The following TLK2 variants were observed in gnomAD, a reference collection of about 807,000 sequenced individuals.
The protein encoded by TLK2 is tousled like kinase 2.
TLK2 carries 6 observed loss-of-function variants against 117.3 expected under a neutral mutation model. That is an observed-to-expected ratio of 0.05 (90% CI 0.03 to 0.10). The LOEUF (loss-of-function observed/expected upper bound fraction) is 0.10. Among genes scored for constraint, TLK2 ranks in the 10% least tolerant of loss-of-function variants. The pLI, the probability that TLK2 is intolerant of heterozygous loss-of-function variation, is 1.00. For synonymous variants in TLK2, 257 were observed against 316.7 expected (o/e 0.81, Z 2.00); for missense variants, 299 against 901.2 (o/e 0.33, Z 8.56).
intron 15 of TLK2, among the ~76,000 whole-genome samples, chr17:62,584,504 A>T (rs1455721541): frequency 1.3e-5 from 2 of 152,128 alleles, no homozygotes; most frequent in Non-Finnish European, 2.9e-5. Context: ...AAGATTCTTT[A>T]AGAAAAGAAG....
intron 2 of TLK2, among the ~76,000 whole-genome samples, chr17:62,489,170 T>TGTAC (rs960160832): frequency 1.1e-5 from 1 of 87,492 alleles, no homozygotes; most frequent in Non-Finnish European, 2.6e-5. Flanking sequence ...TGTATTTAAT[T>TGTAC]GTACGTGTGT....
intron 16 of TLK2, among the ~76,000 whole-genome samples, chr17:62,595,610 T>C (rs2147090360): frequency 1.3e-5 from 2 of 152,048 alleles, no homozygotes; most frequent in Admixed American, 1.3e-4. Flanking sequence ...GTTATACTCT[T>C]ATGGGACCCC....
intron 19 of TLK2, among the ~76,000 whole-genome samples, chr17:62,603,062 A>G (rs1175735126): frequency 1.3e-5 from 2 of 152,196 alleles, no homozygotes; most frequent in African/African-American, 4.8e-5. Context: ...TATAGCACCA[A>G]CGGAGGGGCA....
intron 10 of TLK2, among the ~76,000 whole-genome samples, chr17:62,562,639 A>T (rs768779729): frequency 6.6e-6 from 1 of 152,234 alleles, no homozygotes; most frequent in African/African-American, 2.4e-5. Flanking sequence ...ATGACTAGAA[A>T]TAAAAAAAAC....
chr17:62,517,760 C>T (rs1182680089), intron 2 of TLK2, among the ~76,000 whole-genome samples: 1 of 152,034 alleles, frequency 6.6e-6, no homozygotes, highest in Admixed American at 6.6e-5. Flanking sequence ...TACAGTGATA[C>T]AATCTCAGCT....
chr17:62,515,107 A>G (rs569238946), intron 2 of TLK2, among the ~76,000 whole-genome samples: 178 of 152,304 alleles, frequency 1.2e-3, no homozygotes, highest in African/African-American at 4.1e-3. Flanking sequence ...TGCCTCATCT[A>G]TCACAAAGTA....
intron 4 of TLK2, 82 bp downstream of exon 4, chr17:62,522,355 T>C: frequency 2.1e-6 from 3 of 1,429,154 alleles, no homozygotes; most frequent in Non-Finnish European, 2.9e-6. Flanking sequence ...AAATAATTAG[T>C]TTGTACACAG....
intron 2 of TLK2, among the ~76,000 whole-genome samples, chr17:62,512,024 A>G (rs543107119): frequency 2.2e-4 from 34 of 152,308 alleles, no homozygotes; most frequent in Admixed American, 1.8e-3. Context: ...CATTCTCACT[A>G]GCAATATATG....
At chr17:62,495,615 T>A (rs1210897897) in intron 2 of TLK2, among the ~76,000 whole-genome samples, 1 of 147,914 alleles carries the variant, frequency 6.8e-6, no homozygotes, top group African/African-American at 2.5e-5. Context: ...TTGATTAGTT[T>A]TCTTGAAGTC....
At chr17:62,560,651 A>G (rs1306493189) in intron 10 of TLK2, among the ~76,000 whole-genome samples, 1 of 151,510 alleles carries the variant, frequency 6.6e-6, no homozygotes, top group Non-Finnish European at 1.5e-5. Flanking sequence ...AGGTATTAGT[A>G]ACTATTAGAA....
At chr17:62,565,411 T>C (rs747563292) in intron 11 of TLK2, among the ~76,000 whole-genome samples, 4 of 151,934 alleles carry the variant, frequency 2.6e-5, no homozygotes, top group Non-Finnish European at 4.4e-5. Flanking sequence ...TCCCAGCACT[T>C]TGGGAGGCCG....
intron 10 of TLK2, among the ~76,000 whole-genome samples, chr17:62,562,125 C>T (rs2079331080): frequency 6.6e-6 from 1 of 151,962 alleles, no homozygotes; most frequent in African/African-American, 2.4e-5. Flanking sequence ...TTTGGGAGGC[C>T]AATGAGGGTG....
chr17:62,560,740 G>A (rs2465416), intron 10 of TLK2, among the ~76,000 whole-genome samples: 9,819 of 149,024 alleles, frequency 0.066, 1,070 homozygotes, highest in African/African-American at 0.23. Context: ...TGTAGCCTTC[G>A]CCTCCCAGAT....
chr17:62,495,674 T>TA lies in TLK2; in HGVS notation c.81+14468_81+14469insA, dbSNP rs397699566. ...AAAATTATATATATATATATATATA[T>TA]TGGAGACGGAGTCTTACTCTGTCAC... On this transcript the variant is annotated intron_variant, in intron 2 of 21. Transcript: ENST00000346027. Among the ~76,000 whole-genome samples the TA allele has an allele frequency of 7.0e-4, 103 of 147,980 alleles. No homozygotes were observed. The East Asian group carries it at 0.013, about 19-fold the overall frequency.
At chr17:62,610,522 G>C (rs961576328) in intron 21 of TLK2, among the ~76,000 whole-genome samples, 1 of 152,240 alleles carries the variant, frequency 6.6e-6, no homozygotes, top group East Asian at 1.9e-4. Context: ...GGATGAGGAG[G>C]TGGAAACCTC....
intron 6 of TLK2, among the ~76,000 whole-genome samples, chr17:62,526,780 A>T (rs929043129): frequency 6.6e-6 from 1 of 152,196 alleles, no homozygotes; most frequent in Non-Finnish European, 1.5e-5. Context: ...TTTTTCCTTT[A>T]AAATATATTA....
chr17:62,580,066 T>C (rs748938882), intron 14 of TLK2, 45 bp from the exon 15 acceptor site: 1 of 1,535,058 alleles, frequency 6.5e-7, no homozygotes, highest in African/African-American at 1.4e-5. Flanking sequence ...CGTGGAAGAC[T>C]GTAGTCCATG....
In TLK2 at chr17:62,490,733, G is replaced by A. The variant is rs1437659711; in HGVS notation, c.81+9527G>A. Among the ~76,000 whole-genome samples the A allele has an allele frequency of 2.0e-5, 3 of 151,908 alleles. No individual in the cohort carries two copies. The East Asian group carries it at 5.8e-4, about 29-fold the overall frequency. ...ATTTTTGTATTTTTAGTATAGACAG[G>A]ATTTCACCATGTTGGCCGGGCTGGT... On this transcript the variant is annotated intron_variant, in intron 2 of 21. Coordinates refer to ENST00000346027, the MANE Select transcript of TLK2 (RefSeq NM_006852.6).
chr17:62,488,966 C>CA (rs1334332316), intron 2 of TLK2, among the ~76,000 whole-genome samples: 1 of 150,938 alleles, frequency 6.6e-6, no homozygotes, highest in Non-Finnish European at 1.5e-5. Flanking sequence ...GCTGGGCCTA[C>CA]AGGCACACAC....
Sources: gnomAD v4.1 joint callset for allele counts (sites outside exome capture counted in the v4.1 genomes callset) on GRCh38, gnomAD v4.1.1 for gene constraint, MANE v1.5 for transcripts, NCBI Gene and HGNC (gene_info 2026-07-23, HGNC 2026-07-21) for gene names.